VRK2: variants seen among roughly 807,000 people sequenced by gnomAD.
VRK2 encodes serine/threonine-protein kinase VRK2.
Under a neutral mutation model 57.6 loss-of-function variants are expected in VRK2, and 60 were observed. That is an observed-to-expected ratio of 1.04 (90% CI 0.85 to 1.29). The LOEUF (loss-of-function observed/expected upper bound fraction) is 1.29, where lower values mean the gene tolerates loss of function less well. Among genes scored for constraint, VRK2 ranks in the 50% most tolerant of loss-of-function variants. The probability of loss-of-function intolerance (pLI) is 0.00; values close to 1 mark genes in which losing one functional copy is unlikely to be tolerated. For synonymous variants in VRK2, 231 were observed against 199.2 expected, an observed-to-expected ratio of 1.16 and a Z score of -1.35; for missense variants, 705 against 588.1, an observed-to-expected ratio of 1.20 and a Z score of -2.06.
chr2:58,094,337 C>A (rs1254121609), intron 7 of VRK2, among the ~76,000 whole-genome samples: 1 of 151,980 alleles, frequency 6.6e-6, no homozygotes, highest in East Asian at 1.9e-4. Context: ...CTCTTTTATT[C>A]CATTGAGCAG....
At chr2:58,020,955 T>A (rs539577396) in intron 1 of VRK2, among the ~76,000 whole-genome samples, 2 of 152,320 alleles carry the variant, frequency 1.3e-5, no homozygotes, top group African/African-American at 4.8e-5. Context: ...AAGTTTTTGA[T>A]GTTTTAAAAA....
intron 12 of VRK2, among the ~76,000 whole-genome samples, chr2:58,151,731 G>GTTTTTTTTTTTGTTTTTTTTTTTTTTT (rs1683072332): frequency 1.2e-4 from 2 of 16,722 alleles, no homozygotes; most frequent in Non-Finnish European, 3.0e-4. Flanking sequence ...TTCTATGCTT[G>GTTTTTTTTTTTGTTTTTTTTTTTTTTT]TTTTTTTTTT....
chr2:58,082,746 G>T (rs1020020166), intron 2 of VRK2, among the ~76,000 whole-genome samples: 1 of 151,792 alleles, frequency 6.6e-6, no homozygotes, highest in African/African-American at 2.4e-5. Flanking sequence ...AATTTTAAGT[G>T]CTATAAGTAA....
At chr2:57,984,665 G>T (rs1672537838) in intron 1 of VRK2, among the ~76,000 whole-genome samples, 2 of 151,830 alleles carry the variant, frequency 1.3e-5, no homozygotes, top group African/African-American at 4.8e-5. Flanking sequence ...TAACATCAGG[G>T]GAAAAACATA....
At chr2:58,044,797 C>G (rs10188390), upstream of VRK2, among the ~76,000 whole-genome samples, 26,723 of 152,078 alleles carry the variant, frequency 0.18, 3,618 homozygotes, top group African/African-American at 0.38. Context: ...AGTAATAGGA[C>G]ATTGGGGAGT....
intron 2 of VRK2, among the ~76,000 whole-genome samples, chr2:58,077,470 A>G (rs761980977): frequency 1.1e-4 from 17 of 152,052 alleles, no homozygotes; most frequent in Non-Finnish European, 1.8e-4. Context: ...GTCTCTTAGA[A>G]AAAGTTAGAC....
rs140504755 is a variant in VRK2, at chr2:58,088,422, T to G, written c.426T>G (p.Thr142=). 47 of 1,612,530 alleles carry G rather than the reference T, an allele frequency of 2.9e-5. No individual in the cohort carries two copies. Among genetic ancestry groups the G allele is most frequent in the Non-Finnish European group, 1.5e-5 (18 of 1,178,986 alleles). The change falls in exon 6 of 13, where the codon ACT becomes ACG. Residue 142 remains threonine (T), a synonymous_variant. Transcript: ENST00000340157. ...AGAATGGTACCTTTAAAAAGTCAAC[T>G]GTCCTGCAATTAGGTATCCGAATGG... ...SGQNGTFKKS[T]VLQLGIRMLD...
intron 10 of VRK2, among the ~76,000 whole-genome samples, chr2:58,137,204 C>CATATATGATACATATATCAT (rs1680562445): frequency 1.2e-4 from 2 of 16,076 alleles, no homozygotes; most frequent in African/African-American, 3.9e-4. Flanking sequence ...ATATATATCT[C>CATATATGATACATATATCAT]ATATATGATA....
At chr2:57,963,395 T>C (rs1017406605) in intron 1 of VRK2, among the ~76,000 whole-genome samples, 1 of 152,222 alleles carries the variant, frequency 6.6e-6, no homozygotes, top group Admixed American at 6.5e-5. Flanking sequence ...TGTATCCTAA[T>C]GTAAAAACTG....
At chr2:58,087,752 G>T (rs1433876157) in intron 5 of VRK2, among the ~76,000 whole-genome samples, 3 of 152,168 alleles carry the variant, frequency 2.0e-5, no homozygotes, top group Non-Finnish European at 4.4e-5. Context: ...ACTTTGAGAG[G>T]CTAAGGCAGG....
chr2:58,084,549 T>C (rs12620940), intron 3 of VRK2, among the ~76,000 whole-genome samples: 112,718 of 151,732 alleles, frequency 0.74, 42,973 homozygotes, highest in African/African-American at 0.93. Flanking sequence ...GTGTATCACC[T>C]GGATGTATAT....
At chr2:57,941,794 T>C (rs1671102580) in intron 1 of VRK2, among the ~76,000 whole-genome samples, 1 of 152,230 alleles carries the variant, frequency 6.6e-6, no homozygotes, top group Admixed American at 6.5e-5. Flanking sequence ...ACAATAAACA[T>C]TTCATTAGTG....
chr2:58,125,820 GT>G (rs1678260681), intron 8 of VRK2, among the ~76,000 whole-genome samples: 1 of 151,956 alleles, frequency 6.6e-6, no homozygotes, highest in Non-Finnish European at 1.5e-5. Flanking sequence ...ACATTTTAAT[GT>G]GAAGTTTTAG....
chr2:58,101,481 G>A (rs1231245263), intron 7 of VRK2, among the ~76,000 whole-genome samples: 2 of 151,588 alleles, frequency 1.3e-5, no homozygotes, highest in Admixed American at 6.6e-5. Flanking sequence ...ATTCCTTAAC[G>A]TCAGGTACAG....
chr2:58,119,649 G>T (rs1677122993), intron 7 of VRK2, among the ~76,000 whole-genome samples: 1 of 151,530 alleles, frequency 6.6e-6, no homozygotes, highest in African/African-American at 2.4e-5. Flanking sequence ...GTCATTCCTA[G>T]ATCTCTTTGG....
At chr2:58,022,954 GGTT>G (rs1673808632) in intron 1 of VRK2, among the ~76,000 whole-genome samples, 3 of 152,116 alleles carry the variant, frequency 2.0e-5, no homozygotes. Flanking sequence ...TAATTACAGA[GGTT>G]GTTTTACTAT....
intron 1 of VRK2, among the ~76,000 whole-genome samples, chr2:57,952,849 T>G (rs545491842): frequency 6.6e-6 from 1 of 152,122 alleles, no homozygotes; most frequent in African/African-American, 2.4e-5. Flanking sequence ...CACTGAAACC[T>G]AAAGTCTGCC....
chr2:58,128,380 G>A (rs1678674066), intron 8 of VRK2, among the ~76,000 whole-genome samples: 1 of 152,080 alleles, frequency 6.6e-6, no homozygotes, highest in African/African-American at 2.4e-5. Flanking sequence ...TGTCCAGGCT[G>A]GAGGACAGTG....
intron 1 of VRK2, among the ~76,000 whole-genome samples, chr2:57,921,608 T>G (rs1670353191): frequency 1.3e-5 from 2 of 152,084 alleles, no homozygotes; most frequent in African/African-American, 2.4e-5. Flanking sequence ...AAGTAACACC[T>G]TAAAAAAATT....
Sources: gnomAD v4.1 joint callset for allele counts (sites outside exome capture counted in the v4.1 genomes callset) on GRCh38, gnomAD v4.1.1 for gene constraint, MANE v1.5 for transcripts, NCBI Gene and HGNC (gene_info 2026-07-23, HGNC 2026-07-21) for gene names.